Variants in APBB2 observed in about 807,000 individuals in gnomAD.
APBB2 encodes the protein Fe65-like 1.
APBB2 carries 38 observed loss-of-function variants against 82.5 expected under a neutral mutation model. The observed-to-expected ratio is 0.46, with a 90% CI of 0.36 to 0.60. The LOEUF (loss-of-function observed/expected upper bound fraction) is 0.60, where lower values mean the gene tolerates loss of function less well. Ranked by LOEUF, APBB2 falls within the 20% of genes least tolerant of loss-of-function variation. The pLI is 0.00. For synonymous variants in APBB2, 341 were observed against 368.2 expected (o/e 0.93, Z 0.85); for missense variants, 772 against 972.3 (o/e 0.79, Z 2.74).
At chr4:40,969,221 T>C (rs1021949365) in intron 6 of APBB2, among the ~76,000 whole-genome samples, 1 of 152,244 alleles carries the variant, frequency 6.6e-6, no homozygotes, top group African/African-American at 2.4e-5. Flanking sequence ...AATTTCAACT[T>C]AGCATTATAG....
chr4:41,095,664 T>C (rs941946187), intron 3 of APBB2, among the ~76,000 whole-genome samples: 1 of 152,212 alleles, frequency 6.6e-6, no homozygotes, highest in African/African-American at 2.4e-5. Flanking sequence ...CACAGCTTGA[T>C]GACAAGTGTG....
intron 4 of APBB2, among the ~76,000 whole-genome samples, chr4:41,049,523 G>A (rs1330211693): frequency 2.9e-5 from 4 of 138,036 alleles, no homozygotes; most frequent in East Asian, 2.2e-4. Context: ...GCCAGCCCCC[G>A]CCCGGCCAGC....
At chr4:40,823,185 T>C (rs1748604901) in intron 16 of APBB2, among the ~76,000 whole-genome samples, 1 of 152,210 alleles carries the variant, frequency 6.6e-6, no homozygotes, top group African/African-American at 2.4e-5. Context: ...TGCTTCAATT[T>C]CTTCAACCAC....
At chr4:41,099,350 T>C (rs1325563916) in intron 3 of APBB2, among the ~76,000 whole-genome samples, 1 of 152,154 alleles carries the variant, frequency 6.6e-6, no homozygotes, top group East Asian at 1.9e-4. Flanking sequence ...TGCCTCAGGC[T>C]TCCGAGTAGC....
chr4:40,988,565 G>A (rs1428248078), intron 6 of APBB2, among the ~76,000 whole-genome samples: 6 of 142,406 alleles, frequency 4.2e-5, no homozygotes, highest in Admixed American at 2.1e-4. Context: ...TTGAACCCAG[G>A]AGGCGGAGAT....
chr4:40,834,824 G>T (rs1363452516), intron 12 of APBB2, among the ~76,000 whole-genome samples: 2 of 152,110 alleles, frequency 1.3e-5, no homozygotes, highest in Non-Finnish European at 2.9e-5. Flanking sequence ...GCCAACACTG[G>T]GATTTGACAT....
At chr4:40,990,841 C>T (rs80124646) in intron 6 of APBB2, among the ~76,000 whole-genome samples, 1,739 of 152,126 alleles carry the variant, frequency 0.011, 58 homozygotes, top group Admixed American at 0.054. Flanking sequence ...CCAAGCAGAG[C>T]AAAGACTCTA....
At chr4:41,169,585 C>A (rs951495402) in intron 1 of APBB2, among the ~76,000 whole-genome samples, 2 of 152,160 alleles carry the variant, frequency 1.3e-5, no homozygotes, top group Admixed American at 6.5e-5. Flanking sequence ...CAAAGCTTTG[C>A]ATACTAAAGC....
rs144281717 is a variant in APBB2, at chr4:40,855,767, G to A, written c.1530-25190C>T. Among the ~76,000 whole-genome samples, 321 of 151,988 alleles carry A rather than the reference G, an allele frequency of 2.1e-3. 2 individuals carry two copies. Among genetic ancestry groups the A allele is most frequent in the African/African-American group, 7.5e-3 (312 of 41,488 alleles). On this transcript the variant is annotated intron_variant, in intron 12 of 17. Coordinates refer to ENST00000508593, the MANE Select transcript of APBB2 (RefSeq NM_004307.2). ...AAAAACAAAAAAAAGGAAGCAAAAC[G>A]GAAAGTAGGGTTCTTACTGAGCTAC...
chr4:40,969,850 T>G (rs1056822735), intron 6 of APBB2, among the ~76,000 whole-genome samples: 6 of 152,232 alleles, frequency 3.9e-5, no homozygotes, highest in African/African-American at 7.2e-5. Context: ...ATAATATCTT[T>G]AAAATCCCTT....
intron 10 of APBB2, among the ~76,000 whole-genome samples, chr4:40,928,628 G>A (rs1437118787): frequency 6.6e-6 from 1 of 151,582 alleles, no homozygotes; most frequent in East Asian, 1.9e-4. Flanking sequence ...GCTCATGCCT[G>A]TAATCCCAGC....
intron 5 of APBB2, among the ~76,000 whole-genome samples, chr4:41,016,774 G>A (rs909822172): frequency 2.0e-5 from 3 of 151,922 alleles, no homozygotes; most frequent in Non-Finnish European, 4.4e-5. Flanking sequence ...CAGGCAGGAG[G>A]GGTAAGAGGC....
intron 3 of APBB2, among the ~76,000 whole-genome samples, chr4:41,078,679 A>ATT (rs1736497755): frequency 1.3e-5 from 2 of 152,218 alleles, no homozygotes; most frequent in African/African-American, 4.8e-5. Flanking sequence ...CGTCTTAGTT[A>ATT]AATAGAGTTC....
chr4:40,935,238 G>C, intron 7 of APBB2, 99 bp from the exon 8 acceptor site: 2 of 893,048 alleles, frequency 2.2e-6, no homozygotes, highest in Non-Finnish European at 3.4e-6. Context: ...TGTTAGCATT[G>C]ATATTCACAA....
intron 1 of APBB2, among the ~76,000 whole-genome samples, chr4:41,179,477 T>C (rs572948696): frequency 9.8e-4 from 149 of 152,222 alleles, no homozygotes; most frequent in Non-Finnish European, 1.7e-3. Flanking sequence ...AAATAGTTTT[T>C]ATCTATCAGG....
chr4:40,982,368 AAGGAAGGAAGG>A (rs1415068315), intron 6 of APBB2, among the ~76,000 whole-genome samples: 4 of 16,110 alleles, frequency 2.5e-4, no homozygotes, highest in African/African-American at 4.5e-4. Flanking sequence ...GGAAGGAAGG[AAGGAAGGAAGG>A]AAGGAAGGAA....
chr4:40,899,869 G>T (rs568045933), intron 10 of APBB2, among the ~76,000 whole-genome samples: 1 of 152,296 alleles, frequency 6.6e-6, no homozygotes, highest in East Asian at 1.9e-4. Context: ...GAGACCAGGG[G>T]CCAGGAGCCA....
At chr4:40,987,103 A>T (rs1175677788) in intron 6 of APBB2, among the ~76,000 whole-genome samples, 2 of 152,230 alleles carry the variant, frequency 1.3e-5, no homozygotes, top group Non-Finnish European at 2.9e-5. Context: ...TCTCTTAAGA[A>T]ATTACTATTA....
intron 4 of APBB2, among the ~76,000 whole-genome samples, chr4:41,060,548 ATATAAT>A (rs1729444338): frequency 6.6e-6 from 1 of 152,192 alleles, no homozygotes; most frequent in Non-Finnish European, 1.5e-5. Flanking sequence ...ACTACCGTAG[ATATAAT>A]AGTGTCCTCA....
Sources: allele counts gnomAD v4.1 joint callset (sites outside exome capture counted in the v4.1 genomes callset), GRCh38; gene constraint gnomAD v4.1.1; transcripts MANE v1.5; gene names NCBI Gene and HGNC (gene_info 2026-07-23, HGNC 2026-07-21).